The following PDHX variants were observed in gnomAD, a reference collection of about 807,000 sequenced individuals.
PDHX encodes the protein pyruvate dehydrogenase complex component X.
A neutral mutation model predicts 55.3 loss-of-function variants in PDHX; 33 were observed. That is an observed-to-expected ratio of 0.60 (90% CI 0.45 to 0.80). The LOEUF is 0.80. Ranked by LOEUF, PDHX falls within the 30% of genes least tolerant of loss-of-function variation. The pLI is 0.00. For missense variants in PDHX, 622 were observed against 619.9 expected, an observed-to-expected ratio of 1.00 and a Z score of -0.04; for synonymous variants, 226 against 219.4, an observed-to-expected ratio of 1.03 and a Z score of -0.27.
At chr11:34,919,660 A>G (rs1435042251) in intron 1 of PDHX, among the ~76,000 whole-genome samples, 1 of 152,250 alleles carries the variant, frequency 6.6e-6, no homozygotes, top group East Asian at 1.9e-4. Context: ...GTGCATGTAT[A>G]TATTTATATA....
chr11:34,945,689 G>T (rs1854604783), intron 2 of PDHX, among the ~76,000 whole-genome samples: 1 of 151,798 alleles, frequency 6.6e-6, no homozygotes, highest in South Asian at 2.1e-4. Flanking sequence ...TCTTTACATT[G>T]TATCTAATAT....
At chr11:34,951,145 C>T (rs896432481) in intron 3 of PDHX, among the ~76,000 whole-genome samples, 45 of 150,732 alleles carry the variant, frequency 3.0e-4, no homozygotes, top group African/African-American at 1.1e-3. Context: ...CAAGCTCCGC[C>T]TCCCGGGTTC....
chr11:34,918,571 A>G (rs1185353421), intron 1 of PDHX, among the ~76,000 whole-genome samples: 1 of 152,168 alleles, frequency 6.6e-6, no homozygotes, highest in African/African-American at 2.4e-5. Context: ...TACCATGAAC[A>G]ACTTGTCTAC....
intron 1 of PDHX, among the ~76,000 whole-genome samples, chr11:34,926,156 C>T (rs771274736): frequency 8.5e-5 from 13 of 152,244 alleles, no homozygotes; most frequent in Non-Finnish European, 1.9e-4. Flanking sequence ...ATATGACAAA[C>T]GATCCTTTAA....
chr11:34,944,621 G>A (rs544798182), intron 2 of PDHX, among the ~76,000 whole-genome samples: 8 of 152,232 alleles, frequency 5.3e-5, no homozygotes, highest in Non-Finnish European at 1.2e-4. Context: ...AGTACTTTCT[G>A]TACTGTGAAC....
intron 1 of PDHX, among the ~76,000 whole-genome samples, chr11:34,925,769 C>T (rs1854003876): frequency 6.6e-6 from 1 of 152,120 alleles, no homozygotes; most frequent in Admixed American, 6.5e-5. Context: ...ATCTGAAAAT[C>T]TGACATCCAA....
intron 9 of PDHX, among the ~76,000 whole-genome samples, chr11:34,990,503 A>T (rs1304005372): frequency 6.6e-6 from 1 of 152,204 alleles, no homozygotes; most frequent in Non-Finnish European, 1.5e-5. Context: ...TCTACTTATT[A>T]AAGTGAGTTT....
rs762351343 is a variant in PDHX at position 34,966,712 on chromosome 11, A to G, written c.714A>G (p.Thr238=). The change falls in exon 6 of 11, where the codon ACA becomes ACG. Residue 238 remains threonine (T), a synonymous_variant. Coordinates refer to ENST00000227868, the MANE Select transcript of PDHX (RefSeq NM_003477.3). Reference sequence around the variant, plus strand: ...AGTCCAGACCAACTCCAGCCCCCACAGCCACTCCCACAGCACCTTCGCCCC... The same window carrying G: ...AGTCCAGACCAACTCCAGCCCCCACGGCCACTCCCACAGCACCTTCGCCCC... ...ITESRPTPAP[T]ATPTAPSPLQ... 1 of 1,614,134 alleles carries G rather than the reference A, an allele frequency of 6.2e-7. No homozygotes were observed. Among genetic ancestry groups the G allele is most frequent in the Non-Finnish European group, 8.5e-7 (1 of 1,180,000 alleles).
intron 9 of PDHX, among the ~76,000 whole-genome samples, chr11:34,985,495 T>A (rs1855621269): frequency 6.6e-6 from 1 of 152,188 alleles, no homozygotes; most frequent in Non-Finnish European, 1.5e-5. Flanking sequence ...TTTTCAGGAT[T>A]TCTTGAAAAG....
intron 3 of PDHX, among the ~76,000 whole-genome samples, chr11:34,952,925 T>C (rs1854811699): frequency 6.6e-6 from 1 of 151,538 alleles, no homozygotes. Flanking sequence ...CCGACATGAT[T>C]GTATATCTAG....
intron 2 of PDHX, among the ~76,000 whole-genome samples, chr11:34,939,520 C>T (rs1003697831): frequency 2.2e-4 from 33 of 151,346 alleles, no homozygotes; most frequent in Admixed American, 1.4e-3. Context: ...TGCATGCGCG[C>T]AGCGTTTTAC....
intron 5 of PDHX, among the ~76,000 whole-genome samples, chr11:34,961,135 T>C (rs1468796499): frequency 6.6e-6 from 1 of 152,232 alleles, no homozygotes; most frequent in Non-Finnish European, 1.5e-5. Context: ...CCAAATGAAT[T>C]TTAAGCAGTT....
chr11:34,921,639 T>G (rs1050278821), intron 1 of PDHX, among the ~76,000 whole-genome samples: 8 of 152,332 alleles, frequency 5.3e-5, no homozygotes, highest in African/African-American at 1.7e-4. Context: ...GTTTCTGCGC[T>G]AAGTAATGAC....
At chr11:34,921,510 T>C (rs1401518171) in intron 1 of PDHX, among the ~76,000 whole-genome samples, 1 of 152,222 alleles carries the variant, frequency 6.6e-6, no homozygotes, top group Non-Finnish European at 1.5e-5. Context: ...AGGCTACGAT[T>C]TGGACATTTT....
chr11:34,946,540 C>T (rs1036890716), intron 2 of PDHX, among the ~76,000 whole-genome samples: 1 of 152,068 alleles, frequency 6.6e-6, no homozygotes, highest in Non-Finnish European at 1.5e-5. Context: ...CTACGCAGTC[C>T]CCCCTCGATC....
chr11:34,950,122 A>T (rs1366336143), intron 3 of PDHX, among the ~76,000 whole-genome samples: 1 of 151,986 alleles, frequency 6.6e-6, no homozygotes, highest in African/African-American at 2.4e-5. Context: ...TATTCGTTAG[A>T]TACCCCTTCC....
At chr11:34,944,943 T>C (rs1323599382) in intron 2 of PDHX, among the ~76,000 whole-genome samples, 1 of 152,166 alleles carries the variant, frequency 6.6e-6, no homozygotes, top group Non-Finnish European at 1.5e-5. Flanking sequence ...TTTGTGCATT[T>C]TTGTTTTTAT....
intron 7 of PDHX, among the ~76,000 whole-genome samples, chr11:34,971,503 G>A (rs1855257774): frequency 6.6e-6 from 1 of 152,130 alleles, no homozygotes; most frequent in Non-Finnish European, 1.5e-5. Flanking sequence ...AACATGAATA[G>A]ATGTTGAATT....
chr11:34,973,561 T>C (rs1245705877), intron 7 of PDHX, among the ~76,000 whole-genome samples: 1 of 152,138 alleles, frequency 6.6e-6, no homozygotes, highest in Non-Finnish European at 1.5e-5. Flanking sequence ...TTTCTCTTCT[T>C]ACCTGCTTTG....
Sources: allele counts gnomAD v4.1 joint callset (sites outside exome capture counted in the v4.1 genomes callset), GRCh38; gene constraint gnomAD v4.1.1; transcripts MANE v1.5; gene names NCBI Gene and HGNC (gene_info 2026-07-23, HGNC 2026-07-21).